Variants in VEPH1 observed in about 807,000 individuals in gnomAD.
VEPH1 encodes ventricular zone-expressed PH domain-containing protein homolog 1.
VEPH1 carries 80 observed loss-of-function variants against 85.2 expected under a neutral mutation model. That is an observed-to-expected ratio of 0.94 (90% CI 0.78 to 1.13). VEPH1 has a LOEUF of 1.13. VEPH1 is among the 50% of genes most tolerant of loss of function. The pLI is 0.00. For synonymous variants in VEPH1, 297 were observed against 348.0 expected, an observed-to-expected ratio of 0.85 and a Z score of 1.63; for missense variants, 955 against 980.5, an observed-to-expected ratio of 0.97 and a Z score of 0.35.
intron 4 of VEPH1, among the ~76,000 whole-genome samples, chr3:157,441,508 G>T (rs1262045844): frequency 1.3e-5 from 2 of 152,090 alleles, no homozygotes; most frequent in Admixed American, 6.6e-5. Flanking sequence ...AACATTTGGT[G>T]TATTAAAATG....
chr3:157,321,915 A>T (rs1003161675), intron 9 of VEPH1, among the ~76,000 whole-genome samples: 2 of 152,194 alleles, frequency 1.3e-5, no homozygotes, highest in African/African-American at 4.8e-5. Context: ...TATATAAAAC[A>T]TATAATTTAT....
At chr3:157,436,685 G>C in intron 4 of VEPH1, 1 of 371,898 alleles carries the variant, frequency 2.7e-6, no homozygotes, top group East Asian at 5.6e-5. Flanking sequence ...AAACCTTTGC[G>C]GTTTAATATT....
intron 13 of VEPH1, among the ~76,000 whole-genome samples, chr3:157,262,598 A>T (rs1218182061): frequency 6.6e-6 from 1 of 152,154 alleles, no homozygotes; most frequent in Non-Finnish European, 1.5e-5. Flanking sequence ...TAATTTATGT[A>T]TTAAAAATAG....
chr3:157,268,998 G>T (rs968865059), intron 12 of VEPH1, among the ~76,000 whole-genome samples: 1 of 152,170 alleles, frequency 6.6e-6, no homozygotes, highest in African/African-American at 2.4e-5. Flanking sequence ...ATGATTTAAT[G>T]TAATGCTATT....
At chr3:157,305,124 T>C (rs1719343919) in intron 11 of VEPH1, among the ~76,000 whole-genome samples, 1 of 115,278 alleles carries the variant, frequency 8.7e-6, no homozygotes, top group Non-Finnish European at 1.9e-5. Context: ...TTTTTTTTTT[T>C]TTTGAGACGG....
intron 9 of VEPH1, among the ~76,000 whole-genome samples, chr3:157,359,837 G>T (rs974460326): frequency 2.0e-5 from 3 of 152,182 alleles, no homozygotes; most frequent in Admixed American, 2.0e-4. Flanking sequence ...AACATCAAAA[G>T]AATTTCTTTC....
chr3:157,340,257 G>A (rs1723394917), intron 9 of VEPH1, among the ~76,000 whole-genome samples: 3 of 152,184 alleles, frequency 2.0e-5, no homozygotes, highest in Non-Finnish European at 2.9e-5. Flanking sequence ...AGGGGTCAGG[G>A]AATTCCCTTT....
At chr3:157,442,164 G>A (rs1024919995) in intron 4 of VEPH1, among the ~76,000 whole-genome samples, 3 of 152,010 alleles carry the variant, frequency 2.0e-5, no homozygotes, top group African/African-American at 7.2e-5. Context: ...ATGCTTCATT[G>A]GATAAGACAA....
At chr3:157,363,280 A>G in intron 9 of VEPH1, 84 bp downstream of exon 9, 4 of 1,312,876 alleles carry the variant, frequency 3.0e-6, no homozygotes, top group Middle Eastern at 2.0e-4. Flanking sequence ...AGAAAAGAGT[A>G]TGCTAATTTA....
At chr3:157,421,620 T>C (rs916310497) in intron 5 of VEPH1, among the ~76,000 whole-genome samples, 4 of 152,196 alleles carry the variant, frequency 2.6e-5, no homozygotes, top group African/African-American at 7.2e-5. Context: ...CACTGTCTAA[T>C]TAAGGAAGGG....
intron 8 of VEPH1, among the ~76,000 whole-genome samples, 161 bp downstream of exon 8, chr3:157,364,142 G>C (rs566758928): frequency 1.3e-5 from 2 of 152,082 alleles, no homozygotes; most frequent in Non-Finnish European, 2.9e-5. Flanking sequence ...AGTTTCTTTG[G>C]ATAATGAGAG....
intron 4 of VEPH1, among the ~76,000 whole-genome samples, chr3:157,440,149 A>G (rs58788969): frequency 0.031 from 4,690 of 152,272 alleles, 274 homozygotes; most frequent in African/African-American, 0.11. Context: ...GAAAAGATGT[A>G]CCTAGCAATT....
At chr3:157,384,260 A>G (rs762558626) in intron 6 of VEPH1, among the ~76,000 whole-genome samples, 2 of 152,200 alleles carry the variant, frequency 1.3e-5, no homozygotes, top group African/African-American at 2.4e-5. Flanking sequence ...AAGGTTTCAG[A>G]CTCTAAACTC....
At chr3:157,262,610 G>T (rs987856696) in intron 13 of VEPH1, among the ~76,000 whole-genome samples, 5 of 152,040 alleles carry the variant, frequency 3.3e-5, no homozygotes, top group Non-Finnish European at 5.9e-5. Context: ...TAAAAATAGT[G>T]TTAGGTGTTA....
At chr3:157,397,883 C>T (rs1245699562) in intron 6 of VEPH1, among the ~76,000 whole-genome samples, 1 of 152,214 alleles carries the variant, frequency 6.6e-6, no homozygotes, top group Non-Finnish European at 1.5e-5. Context: ...GTTCTCCCCA[C>T]TGGGAAGATT....
intron 4 of VEPH1, chr3:157,437,752 AC>A: frequency 6.7e-7 from 1 of 1,490,286 alleles, no homozygotes; most frequent in Non-Finnish European, 8.8e-7. Flanking sequence ...GCTGCAGGCG[AC>A]CCGCGACGCG....
In VEPH1 at chr3:157,459,970, G is replaced by A. The variant is rs756328977; in HGVS notation, c.529+211C>T. ...GAAGAATGCTTACAATTCTTTTAATGAGTCTAAGTAATTCATCTGCCTTGG... is the reference window on the plus strand; with the variant it reads ...GAAGAATGCTTACAATTCTTTTAATAAGTCTAAGTAATTCATCTGCCTTGG... On this transcript the variant is annotated intron_variant, in intron 4 of 13. Coordinates refer to ENST00000362010, the MANE Select transcript of VEPH1 (RefSeq NM_001167912.2). 3.9e-6 allele frequency: 6 copies of A among 1,537,452 alleles called. No individual in the cohort carries two copies. The South Asian group carries it at 4.7e-5, about 12-fold the overall frequency.
chr3:157,363,094 G>A (rs1452361585), intron 9 of VEPH1, among the ~76,000 whole-genome samples: 7 of 151,820 alleles, frequency 4.6e-5, no homozygotes, highest in African/African-American at 1.7e-4. Context: ...CTGGGGACAG[G>A]GAACCAGAAA....
intron 2 of VEPH1, among the ~76,000 whole-genome samples, chr3:157,471,995 C>G (rs895517729): frequency 1.4e-4 from 22 of 152,094 alleles, no homozygotes; most frequent in African/African-American, 5.3e-4. Context: ...AAAGGGTTTA[C>G]AGTTAAAAGT....
Sources: gnomAD v4.1 joint callset for allele counts (sites outside exome capture counted in the v4.1 genomes callset) on GRCh38, gnomAD v4.1.1 for gene constraint, MANE v1.5 for transcripts, NCBI Gene and HGNC (gene_info 2026-07-23, HGNC 2026-07-21) for gene names.